GIGYF2: variants seen among roughly 807,000 people sequenced by gnomAD.
GIGYF2 encodes the protein GRB10-interacting GYF protein 2.
A neutral mutation model predicts 208.1 loss-of-function variants in GIGYF2; 25 were observed. The observed-to-expected ratio is 0.12, with a 90% CI of 0.09 to 0.17. The LOEUF is 0.17. Among genes scored for constraint, GIGYF2 ranks in the 10% least tolerant of loss-of-function variants. The pLI is 1.00. For missense variants in GIGYF2, 1,302 were observed against 1,579.4 expected (o/e 0.82, Z 2.98); for synonymous variants, 534 against 543.8 (o/e 0.98, Z 0.25).
At chr2:232,720,583 A>ATATTT (rs376956632) in intron 2 of GIGYF2, among the ~76,000 whole-genome samples, 1,481 of 144,934 alleles carry the variant, frequency 0.01, 13 homozygotes, top group South Asian at 0.03. Context: ...ATATATATAT[A>ATATTT]TTTTTGTTTG....
intron 3 of GIGYF2, among the ~76,000 whole-genome samples, chr2:232,738,060 G>A (rs2106300266): frequency 6.6e-6 from 1 of 151,878 alleles, no homozygotes; most frequent in East Asian, 1.9e-4. Flanking sequence ...GAGATTACAG[G>A]CACCCACCAC....
At chr2:232,719,885 A>C (rs983772863) in intron 2 of GIGYF2, among the ~76,000 whole-genome samples, 1 of 152,146 alleles carries the variant, frequency 6.6e-6, no homozygotes, top group Admixed American at 6.6e-5. Flanking sequence ...CTGAAAAAGC[A>C]GTTATGTAGA....
chr2:232,762,095 A>G (rs933842160), intron 8 of GIGYF2, among the ~76,000 whole-genome samples: 5 of 151,724 alleles, frequency 3.3e-5, no homozygotes, highest in Admixed American at 3.3e-4. Flanking sequence ...AGGTATTAAC[A>G]TCTGAGGAGA....
At chr2:232,825,734 C>G (rs1701227454) in intron 21 of GIGYF2, among the ~76,000 whole-genome samples, 1 of 151,744 alleles carries the variant, frequency 6.6e-6, no homozygotes, top group African/African-American at 2.4e-5. Context: ...TAATTAAGTT[C>G]TAGGGTACAT....
rs192038181 is a variant in GIGYF2 at position 232,814,706 on chromosome 2, A to G, written c.2108-931A>G. ...TATTTCAAAATCTGAAAAAATCCAA[A>G]ATTTGAAATGCTTCTGGTCCCAAGC... On this transcript the variant is annotated intron_variant, in intron 18 of 28. Transcript: ENST00000373563. 2.0e-5 allele frequency among the ~76,000 whole-genome samples: 3 copies of G among 152,188 alleles called. No homozygotes were observed. In the East Asian group the frequency reaches 5.8e-4, roughly 29 times the overall value.
chr2:232,726,904 TGCA>T (rs1268988646), intron 2 of GIGYF2, among the ~76,000 whole-genome samples: 1 of 152,228 alleles, frequency 6.6e-6, no homozygotes, highest in African/African-American at 2.4e-5. Context: ...GGTTGTTTAT[TGCA>T]GCATTGTTCA....
intron 5 of GIGYF2, among the ~76,000 whole-genome samples, chr2:232,754,352 A>T (rs1342668680): frequency 2.6e-5 from 4 of 152,142 alleles, no homozygotes; most frequent in African/African-American, 9.7e-5. Context: ...AATTTTTTAC[A>T]TGGGTAAGAA....
intron 2 of GIGYF2, among the ~76,000 whole-genome samples, chr2:232,711,926 C>G (rs1197142636): frequency 6.7e-6 from 1 of 149,948 alleles, no homozygotes; most frequent in Admixed American, 6.7e-5. Context: ...AATAGTTTGT[C>G]TTCTGTAAAT....
intron 14 of GIGYF2, among the ~76,000 whole-genome samples, chr2:232,801,691 A>G (rs1352244507): frequency 6.6e-6 from 1 of 152,220 alleles, no homozygotes; most frequent in East Asian, 1.9e-4. Flanking sequence ...ATTGTTAACT[A>G]TAGTCATTGT....
chr2:232,716,374 GT>G (rs397988241), intron 2 of GIGYF2, among the ~76,000 whole-genome samples: 445 of 100,226 alleles, frequency 4.4e-3, no homozygotes, highest in African/African-American at 7.3e-3. Context: ...GGTGTTATTT[GT>G]TTTTTTTTTT....
rs755024155 is a variant in GIGYF2, at chr2:232,847,333, C to G, written c.3461-15C>G. The G allele has an allele frequency of 1.2e-6, 2 of 1,608,616 alleles. No individual in the cohort carries two copies. Among genetic ancestry groups the G allele is most frequent in the Non-Finnish European group, 1.7e-6 (2 of 1,175,964 alleles). ...TTTCATTGTTACCCTTATCTTCTCC[C>G]CTCCCGTTTTGCAGTTCCCACATTT... On this transcript the variant is annotated splice_polypyrimidine_tract_variant and intron_variant, in intron 26 of 28. Coordinates refer to ENST00000373563, the MANE Select transcript of GIGYF2 (RefSeq NM_001103146.3).
intron 3 of GIGYF2, among the ~76,000 whole-genome samples, chr2:232,739,361 AC>A (rs35983968): frequency 0.26 from 19,537 of 74,924 alleles, 2,673 homozygotes; most frequent in East Asian, 0.34. Flanking sequence ...ACAAAAGCAA[AC>A]CCCCCCCCCC....
chr2:232,729,485 T>G, intron 2 of GIGYF2: 1 of 1,098,238 alleles, frequency 9.1e-7, no homozygotes, highest in Non-Finnish European at 1.2e-6. Context: ...AATTAACCTC[T>G]CAAGCTTTTA....
At chr2:232,767,403 T>A (rs1362036835) in intron 8 of GIGYF2, 1 of 152,498 alleles carries the variant, frequency 6.6e-6, no homozygotes, top group Non-Finnish European at 1.5e-5. Flanking sequence ...TTACTTAGGT[T>A]GCTAGAAGTC....
chr2:232,854,159 TA>T (rs1368683350), intron 28 of GIGYF2, among the ~76,000 whole-genome samples: 1 of 152,236 alleles, frequency 6.6e-6, no homozygotes, highest in Non-Finnish European at 1.5e-5. Flanking sequence ...GACTGGCCTT[TA>T]GGTTCTTGTA....
At position 232,708,037 on chromosome 2, in the gene GIGYF2, C is replaced by T. The variant is rs545242134; in HGVS notation, c.-44+4548C>T. 3.3e-5 allele frequency among the ~76,000 whole-genome samples: 5 copies of T among 151,674 alleles called. No homozygotes were observed. The East Asian group carries it at 9.7e-4, about 30-fold the overall frequency. On this transcript the variant is annotated intron_variant, in intron 2 of 28. Coordinates refer to ENST00000373563, the MANE Select transcript of GIGYF2 (RefSeq NM_001103146.3). ...AGTGCAGTGGTGTAGTCACAGCTCA[C>T]TGCAGCCTCGACCTTCTCAGGCTCA...
chr2:232,757,769 ACCCCCCG>A (rs1164842399), intron 6 of GIGYF2, among the ~76,000 whole-genome samples: 1 of 99,796 alleles, frequency 1.0e-5, no homozygotes, highest in Non-Finnish European at 2.1e-5. Flanking sequence ...TCTGAACAGC[ACCCCCCG>A]CCCCCCGCCA....
chr2:232,700,461 A>G (rs912684891), intron 1 of GIGYF2: 1 of 151,952 alleles, frequency 6.6e-6, no homozygotes, highest in Non-Finnish European at 1.5e-5. Flanking sequence ...TGTCGCTTTT[A>G]TGATTGCCCT....
intron 18 of GIGYF2, 64 bp downstream of exon 18, chr2:232,812,555 A>G (rs1574913134): frequency 8.1e-6 from 6 of 738,458 alleles, no homozygotes; most frequent in East Asian, 5.1e-5. Context: ...TAATTTTACA[A>G]TTCAGTTCTT....
Sources: allele counts gnomAD v4.1 joint callset (sites outside exome capture counted in the v4.1 genomes callset), GRCh38; gene constraint gnomAD v4.1.1; transcripts MANE v1.5; gene names NCBI Gene and HGNC (gene_info 2026-07-23, HGNC 2026-07-21).